Variants in FGF14 observed in about 807,000 individuals in gnomAD.
FGF14 encodes fibroblast growth factor 14, also known as fibroblast growth factor homologous factor 4.
In FGF14, 5 loss-of-function variants were observed where a neutral mutation model predicts 25.5. The observed-to-expected ratio is 0.20, with a 90% CI of 0.10 to 0.41. The LOEUF (loss-of-function observed/expected upper bound fraction) is 0.41. Ranked by LOEUF, FGF14 falls within the 10% of genes least tolerant of loss-of-function variation. FGF14 has a pLI of 1.00. For missense variants in FGF14, 222 were observed against 320.1 expected, an observed-to-expected ratio of 0.69 and a Z score of 2.34; for synonymous variants, 138 against 118.3, an observed-to-expected ratio of 1.17 and a Z score of -1.08.
chr13:102,076,204 C>A (rs1325740028), intron 1 of FGF14, among the ~76,000 whole-genome samples: 1 of 152,166 alleles, frequency 6.6e-6, no homozygotes, highest in Non-Finnish European at 1.5e-5. Flanking sequence ...CCCAGAACAA[C>A]TTCCAGTCTT....
intron 1 of FGF14, among the ~76,000 whole-genome samples, chr13:102,358,490 A>G (rs1023671578): frequency 6.6e-6 from 1 of 152,216 alleles, no homozygotes; most frequent in Non-Finnish European, 1.5e-5. Flanking sequence ...TCGAGAGTGC[A>G]GTGAAGACTG....
At chr13:102,387,664 G>C (rs1193271037) in intron 1 of FGF14, among the ~76,000 whole-genome samples, 1 of 151,932 alleles carries the variant, frequency 6.6e-6, no homozygotes, top group East Asian at 1.9e-4. Context: ...TTGGTGTACA[G>C]ATTATTTTCT....
chr13:101,793,985 T>C (rs1289501886), intron 3 of FGF14, among the ~76,000 whole-genome samples: 1 of 151,984 alleles, frequency 6.6e-6, no homozygotes, highest in Admixed American at 6.6e-5. Context: ...TCAGGGAGAA[T>C]TGGAATGCCA....
chr13:102,155,011 A>T (rs2047262641), intron 1 of FGF14, among the ~76,000 whole-genome samples: 1 of 152,208 alleles, frequency 6.6e-6, no homozygotes, highest in South Asian at 2.1e-4. Flanking sequence ...AGATTCATAA[A>T]GCCAGTCCTT....
chr13:102,251,611 C>T (rs902601249), intron 1 of FGF14, among the ~76,000 whole-genome samples: 3 of 152,134 alleles, frequency 2.0e-5, no homozygotes, highest in Admixed American at 6.5e-5. Context: ...TGCCAGCCAT[C>T]GAGTTCTGAG....
At chr13:101,739,623 C>T (rs2036413224) in intron 3 of FGF14, among the ~76,000 whole-genome samples, 1 of 151,938 alleles carries the variant, frequency 6.6e-6, no homozygotes, top group Non-Finnish European at 1.5e-5. Context: ...GGAGGAGAGA[C>T]AAGGCATTTG....
At chr13:102,090,978 T>G (rs2140243104) in intron 1 of FGF14, among the ~76,000 whole-genome samples, 1 of 152,356 alleles carries the variant, frequency 6.6e-6, no homozygotes, top group Non-Finnish European at 1.5e-5. Flanking sequence ...TAATAAATAT[T>G]TGTTAATGTC....
chr13:101,993,447 T>C (rs1186370725), intron 1 of FGF14, among the ~76,000 whole-genome samples: 1 of 152,010 alleles, frequency 6.6e-6, no homozygotes, highest in Non-Finnish European at 1.5e-5. Flanking sequence ...ATAAAATATG[T>C]TCTTTTTTTG....
chr13:101,829,420 G>A lies in FGF14; in HGVS notation c.408+39305C>T, dbSNP rs567318079. Among the ~76,000 whole-genome samples the A allele has an allele frequency of 4.6e-5, 7 of 152,150 alleles. No individual in the cohort carries two copies. In the South Asian group the frequency reaches 1.0e-3, roughly 23 times the overall value. On this transcript the variant is annotated intron_variant, in intron 3 of 4. Coordinates refer to ENST00000376143, the MANE Select transcript of FGF14 (RefSeq NM_004115.4). ...ATTGTATAAATCACAAACATTGAAAGCCTGAAAACAGGAGTTTTAATAGTG... is the reference window on the plus strand; with the variant it reads ...ATTGTATAAATCACAAACATTGAAAACCTGAAAACAGGAGTTTTAATAGTG...
At chr13:101,956,254 TTAGA>T (rs138456044) in intron 1 of FGF14, among the ~76,000 whole-genome samples, 86 of 152,304 alleles carry the variant, frequency 5.6e-4, no homozygotes, top group African/African-American at 1.9e-3. Context: ...ATATTAAACT[TTAGA>T]TAGATAGATA....
At chr13:102,269,835 C>T (rs1348552402) in intron 1 of FGF14, among the ~76,000 whole-genome samples, 2 of 151,934 alleles carry the variant, frequency 1.3e-5, no homozygotes, top group African/African-American at 4.8e-5. Context: ...TGAGACTCAC[C>T]CTTTCAAAAA....
rs538745040 is a variant in FGF14 at position 101,714,837 on chromosome 13, T to C, written c.*7994A>G. The C allele has an allele frequency of 1.9e-5, 7 of 372,668 alleles. No homozygotes were observed. In the South Asian group the frequency reaches 2.9e-4, roughly 15 times the overall value. The allele number at this position is 372,668 out of a possible 1,614,324, so 23.1% of individuals were successfully genotyped here. On this transcript the variant is annotated 3_prime_UTR_variant, in exon 5 of 5. Transcript: ENST00000376143. The stretch of plus-strand genomic sequence containing the variant: ...AACTCACATGTATGCAGTTGTATAT[T>C]GAACACAGAAAAGAATTTTGTTGGC...
At chr13:101,746,658 T>G (rs1184657896) in intron 3 of FGF14, among the ~76,000 whole-genome samples, 1 of 151,962 alleles carries the variant, frequency 6.6e-6, no homozygotes, top group Non-Finnish European at 1.5e-5. Flanking sequence ...AGAGTTTGTG[T>G]GATGATCAAC....
chr13:102,048,197 C>T (rs895962178), intron 1 of FGF14, among the ~76,000 whole-genome samples: 2 of 152,020 alleles, frequency 1.3e-5, no homozygotes, highest in African/African-American at 4.8e-5. Flanking sequence ...GAGGAAACAG[C>T]ATGGCTCTTA....
At chr13:102,397,779 T>G (rs2058617530) in intron 1 of FGF14, among the ~76,000 whole-genome samples, 1 of 152,340 alleles carries the variant, frequency 6.6e-6, no homozygotes, top group East Asian at 1.9e-4. Flanking sequence ...TGACCTAGAT[T>G]ATTTCCAGAA....
chr13:101,869,741 A>G (rs2140452831), intron 2 of FGF14, among the ~76,000 whole-genome samples: 1 of 152,354 alleles, frequency 6.6e-6, no homozygotes. Context: ...GCACTAAAAT[A>G]GTGATGTAAG....
chr13:102,346,457 C>A (rs2057107450), intron 1 of FGF14, among the ~76,000 whole-genome samples: 1 of 99,124 alleles, frequency 1.0e-5, no homozygotes, highest in South Asian at 3.2e-4. Flanking sequence ...GAATTCAAAC[C>A]CTAGATTGTT....
chr13:101,733,256 T>C (rs530671340), intron 3 of FGF14, among the ~76,000 whole-genome samples: 32 of 152,276 alleles, frequency 2.1e-4, no homozygotes, highest in African/African-American at 4.8e-4. Context: ...AATTAGTTAA[T>C]TGGTTGTGTG....
chr13:102,109,342 C>T (rs1790793032), intron 1 of FGF14, among the ~76,000 whole-genome samples: 2 of 152,008 alleles, frequency 1.3e-5, no homozygotes, highest in African/African-American at 4.8e-5. Context: ...TCAACATATC[C>T]ATTGTAAAGC....
Sources: allele counts gnomAD v4.1 joint callset (sites outside exome capture counted in the v4.1 genomes callset), GRCh38; gene constraint gnomAD v4.1.1; transcripts MANE v1.5; gene names NCBI Gene and HGNC (gene_info 2026-07-23, HGNC 2026-07-21).